C11orf16: variants seen among roughly 807,000 people sequenced by gnomAD.
C11orf16 encodes the protein uncharacterized protein C11orf16.
C11orf16 carries 38 observed loss-of-function variants against 45.1 expected under a neutral mutation model. The ratio of observed to expected loss-of-function variants is 0.84; its 90% confidence interval spans 0.65 to 1.10. The LOEUF is 1.10. Among genes scored for constraint, C11orf16 ranks in the 50% least tolerant of loss-of-function variants. The pLI is 0.00. For missense variants in C11orf16, 583 were observed against 569.5 expected (o/e 1.02, Z -0.24); for synonymous variants, 221 against 222.0 (o/e 1.00, Z 0.04).
chr11:8,927,949 C>T (rs1410921556), intron 3 of C11orf16, among the ~76,000 whole-genome samples: 5 of 152,050 alleles, frequency 3.3e-5, no homozygotes, highest in Non-Finnish European at 7.3e-5. Flanking sequence ...CGCTCGTCAC[C>T]CAGGCTAGAG....
intron 1 of C11orf16, among the ~76,000 whole-genome samples, 186 bp downstream of exon 1, chr11:8,932,715 C>T (rs1205763813): frequency 1.3e-5 from 2 of 152,222 alleles, no homozygotes; most frequent in East Asian, 3.8e-4. Flanking sequence ...TCCCCGGCCA[C>T]CTACAAGGCT....
At position 8,920,122 on chromosome 11, in the gene C11orf16, T is replaced by C. The variant is rs2064558919; in HGVS notation, c.*351A>G. The stretch of plus-strand genomic sequence containing the variant: ...AAGAGGTGAAACAAAATGTCACTCA[T>C]GTACAACTAGGCTTTATGGGAAGGT... On this transcript the variant is annotated 3_prime_UTR_variant, in exon 7 of 7. Transcript: ENST00000326053. The C allele has an allele frequency of 3.2e-6, 1 of 312,218 alleles. No individual in the cohort carries two copies. Among genetic ancestry groups the C allele is most frequent in the Non-Finnish European group, 5.8e-6 (1 of 171,976 alleles). 19.3% of individuals were successfully genotyped at this position (312,218 alleles called of 1,614,324 possible).
intron 3 of C11orf16, among the ~76,000 whole-genome samples, chr11:8,928,326 A>G (rs976551449): frequency 6.6e-6 from 1 of 152,126 alleles, no homozygotes; most frequent in Non-Finnish European, 1.5e-5. Flanking sequence ...AGAAAAAAAA[A>G]AGAAGTGAGT....
intron 5 of C11orf16, among the ~76,000 whole-genome samples, chr11:8,924,302 G>A (rs2064593892): frequency 6.6e-6 from 1 of 152,182 alleles, no homozygotes; most frequent in African/African-American, 2.4e-5. Flanking sequence ...GAGGCAGGCA[G>A]ATCACTTAGG....
chr11:8,920,431 T>C lies in C11orf16; in HGVS notation c.*42A>G, dbSNP rs1187915283. ...ACTCTGTATAACTCTCCTCGAATAT[T>C]TACCATGTTTATTCTTTACCTATAA... On this transcript the variant is annotated 3_prime_UTR_variant, in exon 7 of 7. Transcript: ENST00000326053. 4.4e-6 allele frequency: 3 copies of C among 679,672 alleles called. No individual in the cohort carries two copies. Among genetic ancestry groups the C allele is most frequent in the Non-Finnish European group, 2.7e-6 (1 of 374,750 alleles). The allele number at this position is 679,672 out of a possible 1,614,324, so 42.1% of individuals were successfully genotyped here.
At chr11:8,923,080 C>T (rs539707133) in intron 5 of C11orf16, among the ~76,000 whole-genome samples, 11 of 152,278 alleles carry the variant, frequency 7.2e-5, no homozygotes, top group African/African-American at 2.6e-4. Context: ...TCTTTATAGT[C>T]AATTAATAGA....
At chr11:8,925,221 G>A (rs2064601377) in intron 5 of C11orf16, among the ~76,000 whole-genome samples, 1 of 152,242 alleles carries the variant, frequency 6.6e-6, no homozygotes, top group Non-Finnish European at 1.5e-5. Flanking sequence ...GTATTAAATA[G>A]GGATGCAACC....
rs570509644 is a variant in C11orf16 at position 8,924,751 on chromosome 11, G to T, written c.1204+712C>A. Among the ~76,000 whole-genome samples the T allele has an allele frequency of 2.0e-5, 3 of 152,246 alleles. No individual in the cohort carries two copies. The South Asian group carries it at 6.2e-4, about 32-fold the overall frequency. On this transcript the variant is annotated intron_variant, in intron 5 of 6. Transcript: ENST00000326053. ...GTGACCCCAGGACTCCCAGAATCTTGTCAAGGGCCAGACTTTTCCAGGCCA... is the reference window on the plus strand; with the variant it reads ...GTGACCCCAGGACTCCCAGAATCTTTTCAAGGGCCAGACTTTTCCAGGCCA...
intron 5 of C11orf16, among the ~76,000 whole-genome samples, chr11:8,923,268 C>G (rs772645061): frequency 1.3e-5 from 2 of 152,128 alleles, no homozygotes; most frequent in African/African-American, 2.4e-5. Context: ...TGCTATGGAG[C>G]AAGTCACAGC....
At chr11:8,921,612 A>C (rs2064574810) in intron 5 of C11orf16, 97 bp from the exon 6 acceptor site, 1 of 1,120,190 alleles carries the variant, frequency 8.9e-7, no homozygotes. Flanking sequence ...TGTAAGCTCA[A>C]GCATTGTTTT....
intron 5 of C11orf16, among the ~76,000 whole-genome samples, chr11:8,921,716 A>G (rs1270615027): frequency 1.3e-5 from 2 of 152,036 alleles, no homozygotes; most frequent in Non-Finnish European, 1.5e-5. Flanking sequence ...AGCCTCAGCC[A>G]CCCGGGCTCA....
chr11:8,925,219 T>C (rs1179251114), intron 5 of C11orf16, among the ~76,000 whole-genome samples: 1 of 152,212 alleles, frequency 6.6e-6, no homozygotes, highest in East Asian at 1.9e-4. Context: ...AGGTATTAAA[T>C]AGGGATGCAA....
chr11:8,927,895 T>TGAA (rs2064625367), intron 3 of C11orf16, among the ~76,000 whole-genome samples: 1 of 152,216 alleles, frequency 6.6e-6, no homozygotes, highest in Non-Finnish European at 1.5e-5. Flanking sequence ...CACATATTAG[T>TGAA]TACTTGAAAA....
At chr11:8,922,927 C>T (rs980579099) in intron 5 of C11orf16, among the ~76,000 whole-genome samples, 3 of 152,224 alleles carry the variant, frequency 2.0e-5, no homozygotes, top group Admixed American at 6.5e-5. Context: ...TCCACACCCC[C>T]TCTCGGGCAT....
intron 5 of C11orf16, among the ~76,000 whole-genome samples, chr11:8,922,681 C>G (rs2064583309): frequency 6.6e-6 from 1 of 152,220 alleles, no homozygotes; most frequent in South Asian, 2.1e-4. Flanking sequence ...GAGTGTCAAG[C>G]ATCAGCACTC....
At chr11:8,929,114 C>T in intron 3 of C11orf16, 2 of 393,376 alleles carry the variant, frequency 5.1e-6, no homozygotes, top group African/African-American at 2.0e-5. Flanking sequence ...ACCAACCTTG[C>T]CAACCCCTGG....
chr11:8,923,889 G>A (rs2134831885), intron 5 of C11orf16, among the ~76,000 whole-genome samples: 1 of 142,946 alleles, frequency 7.0e-6, no homozygotes, highest in Non-Finnish European at 1.5e-5. Flanking sequence ...TGCTGGGTGA[G>A]CCACTGTGCC....
At chr11:8,923,706 T>C (rs2064589609) in intron 5 of C11orf16, among the ~76,000 whole-genome samples, 1 of 152,084 alleles carries the variant, frequency 6.6e-6, no homozygotes, top group African/African-American at 2.4e-5. Flanking sequence ...CAGCTTCAAC[T>C]GATTCTCATA....
chr11:8,929,366 C>T lies in C11orf16; in HGVS notation c.324+11G>A. 2 of 1,612,074 alleles carry T rather than the reference C, an allele frequency of 1.2e-6. No homozygotes were observed. Among genetic ancestry groups the T allele is most frequent in the African/African-American group, 1.3e-5 (1 of 75,032 alleles). On this transcript the variant is annotated intron_variant, in intron 3 of 6. Transcript: ENST00000326053. Reference sequence around the variant, plus strand: ...GAGCACGCCAGGGAGATACTGGGGTCAGGGACTTGCCTCGGGAGTGGCCTT... The same window carrying T: ...GAGCACGCCAGGGAGATACTGGGGTTAGGGACTTGCCTCGGGAGTGGCCTT...
Sources: gnomAD v4.1 joint callset for allele counts (sites outside exome capture counted in the v4.1 genomes callset) on GRCh38, gnomAD v4.1.1 for gene constraint, MANE v1.5 for transcripts, NCBI Gene and HGNC (gene_info 2026-07-23, HGNC 2026-07-21) for gene names.